The following TNFAIP8L3 variants were observed in gnomAD, a reference collection of about 807,000 sequenced individuals.
TNFAIP8L3 encodes the protein TNF alpha induced protein 8 like 3.
Under a neutral mutation model 11.8 loss-of-function variants are expected in TNFAIP8L3, and 7 were observed. That is an observed-to-expected ratio of 0.59 (90% CI 0.34 to 1.11). The LOEUF (loss-of-function observed/expected upper bound fraction) is 1.11, where lower values mean the gene tolerates loss of function less well. Among genes scored for constraint, TNFAIP8L3 ranks in the 50% most tolerant of loss-of-function variants. TNFAIP8L3 has a pLI of 0.03. For missense variants in TNFAIP8L3, 219 were observed against 258.6 expected (o/e 0.85, Z 1.05); for synonymous variants, 98 against 103.8 (o/e 0.94, Z 0.34).
chr15:51,068,661 T>G (rs985287012), intron 1 of TNFAIP8L3, among the ~76,000 whole-genome samples: 7 of 19,818 alleles, frequency 3.5e-4, no homozygotes, highest in African/African-American at 1.2e-3. Flanking sequence ...ACCCCTCCTG[T>G]TTTTTTTTTT....
At chr15:51,072,474 A>G (rs571728292) in intron 1 of TNFAIP8L3, among the ~76,000 whole-genome samples, 5 of 152,278 alleles carry the variant, frequency 3.3e-5, no homozygotes, top group Middle Eastern at 3.4e-3. Context: ...TAATTTATCA[A>G]TCTTTTCCTT....
intron 1 of TNFAIP8L3, among the ~76,000 whole-genome samples, chr15:51,063,712 G>T (rs1225940776): frequency 1.3e-5 from 2 of 152,156 alleles, no homozygotes; most frequent in Non-Finnish European, 2.9e-5. Flanking sequence ...GTATTCAATT[G>T]GGTCTTGCTC....
intron 1 of TNFAIP8L3, among the ~76,000 whole-genome samples, chr15:51,073,302 G>C (rs537021119): frequency 6.6e-6 from 1 of 152,138 alleles, no homozygotes; most frequent in African/African-American, 2.4e-5. Flanking sequence ...AGCCTAAACT[G>C]GTATCTTTAT....
intron 1 of TNFAIP8L3, among the ~76,000 whole-genome samples, chr15:51,086,667 T>A (rs2065429606): frequency 6.6e-6 from 1 of 152,216 alleles, no homozygotes; most frequent in Admixed American, 6.5e-5. Flanking sequence ...TTCTGTTCTA[T>A]AAATTGGGGC....
chr15:51,084,243 G>C (rs1349918878), intron 1 of TNFAIP8L3, among the ~76,000 whole-genome samples: 1 of 152,080 alleles, frequency 6.6e-6, no homozygotes, highest in Non-Finnish European at 1.5e-5. Context: ...GAAAAACAGG[G>C]ATCACAGATT....
chr15:51,076,716 T>G (rs2065352835), intron 1 of TNFAIP8L3, among the ~76,000 whole-genome samples: 2 of 152,074 alleles, frequency 1.3e-5, no homozygotes, highest in African/African-American at 2.4e-5. Flanking sequence ...CAGCAGGAAG[T>G]GGAAGACAGA....
At chr15:51,088,895 G>A (rs1184606406) in intron 1 of TNFAIP8L3, among the ~76,000 whole-genome samples, 1 of 152,174 alleles carries the variant, frequency 6.6e-6, no homozygotes, top group African/African-American at 2.4e-5. Context: ...CCTCACTCAA[G>A]GTTATTCCTA....
At chr15:51,062,082 T>C (rs12909470) in intron 1 of TNFAIP8L3, among the ~76,000 whole-genome samples, 30,893 of 151,974 alleles carry the variant, frequency 0.2, 3,622 homozygotes, top group East Asian at 0.44. Flanking sequence ...GAGACCATCC[T>C]GGGCAACATG....
intron 1 of TNFAIP8L3, among the ~76,000 whole-genome samples, chr15:51,075,817 A>G (rs2065345431): frequency 6.6e-6 from 1 of 152,230 alleles, no homozygotes. Flanking sequence ...GTGACAGTGG[A>G]CTGAGGCTAC....
In TNFAIP8L3 at chr15:51,058,228, T is replaced by A; in HGVS notation, c.268A>T (p.Ile90Phe). The change falls in exon 2 of 2, where the codon ATC (isoleucine) becomes TTC (phenylalanine). Residue 90 changes from isoleucine (I) to phenylalanine (F), a missense_variant. Ile to Phe is a conservative substitution (Grantham distance 21). Coordinates refer to ENST00000637513, the MANE Select transcript of TNFAIP8L3 (RefSeq NM_001311175.2). ...CTAAACTGGTTGTTCCGGTAGAGGA[T>A]CCCGATTTTGATCGCCACCTTGATT... is the stretch of plus-strand genomic sequence containing the variant. ...DLIKVAIKIG[I>F]LYRNNQFSQE... The A allele has an allele frequency of 6.2e-7, 1 of 1,614,222 alleles. No homozygotes were observed. Among genetic ancestry groups the A allele is most frequent in the Non-Finnish European group, 8.5e-7 (1 of 1,180,038 alleles).
upstream of TNFAIP8L3, among the ~76,000 whole-genome samples, chr15:51,099,564 T>G (rs1040579272): frequency 2.0e-5 from 3 of 152,194 alleles, no homozygotes; most frequent in Non-Finnish European, 4.4e-5. Flanking sequence ...CACCAGGATC[T>G]TAGGTTCACT....
intron 1 of TNFAIP8L3, among the ~76,000 whole-genome samples, chr15:51,066,605 C>T (rs927676809): frequency 1.3e-5 from 2 of 152,100 alleles, no homozygotes; most frequent in Non-Finnish European, 2.9e-5. Flanking sequence ...GTGATGGCCT[C>T]CCCACCCCTT....
chr15:51,104,286 T>C (rs1389352469), intron 1 of TNFAIP8L3, among the ~76,000 whole-genome samples: 1 of 152,106 alleles, frequency 6.6e-6, no homozygotes. Context: ...GCAACAGGAC[T>C]CTCTTGGCTG....
rs568009993 is a variant in TNFAIP8L3 at position 51,063,698 on chromosome 15, A to G, written c.53-5255T>C. ...GCAAGTGCTATGAGGATATCCCGAG[A>G]AAAGTATTCAATTGGGTCTTGCTCT... On this transcript the variant is annotated intron_variant, in intron 1 of 1. Transcript: ENST00000637513. Among the ~76,000 whole-genome samples the G allele has an allele frequency of 3.3e-5, 5 of 152,338 alleles. No individual in the cohort carries two copies. The South Asian group carries it at 6.2e-4, about 19-fold the overall frequency.
At chr15:51,096,929 T>C (rs151275099), upstream of TNFAIP8L3, among the ~76,000 whole-genome samples, 686 of 143,428 alleles carry the variant, frequency 4.8e-3, 5 homozygotes, top group African/African-American at 0.016. Context: ...AAGAAAAAAG[T>C]AATGGCAAAA....
At chr15:51,100,167 G>A (rs2065540557) in intron 1 of TNFAIP8L3, among the ~76,000 whole-genome samples, 1 of 152,204 alleles carries the variant, frequency 6.6e-6, no homozygotes, top group Non-Finnish European at 1.5e-5. Flanking sequence ...TATCCTCTGT[G>A]TTTCAGGTGC....
At chr15:51,073,632 A>G (rs967504459) in intron 1 of TNFAIP8L3, among the ~76,000 whole-genome samples, 4 of 152,224 alleles carry the variant, frequency 2.6e-5, no homozygotes, top group African/African-American at 9.6e-5. Flanking sequence ...AACATTGCCT[A>G]CACAAAATGA....
Position 51,057,452 on chromosome 15 carries a change from C to T in TNFAIP8L3, c.*429G>A, listed in dbSNP as rs59067851. 2,513 of 161,028 alleles carry T rather than the reference C, an allele frequency of 0.016. 91 individuals carry two copies. Among genetic ancestry groups the T allele is most frequent in the African/African-American group, 0.057 (2,382 of 41,726 alleles). 10.0% of individuals were successfully genotyped at this position (161,028 alleles called of 1,614,324 possible). On this transcript the variant is annotated 3_prime_UTR_variant, in exon 2 of 2. Transcript: ENST00000637513. ...CCAAAAGTATGAACATACATCATCT[C>T]ATCTGGTCCTCACAACAGCCCTGTG...
chr15:51,073,759 A>T (rs2140970664), intron 1 of TNFAIP8L3, among the ~76,000 whole-genome samples: 1 of 152,282 alleles, frequency 6.6e-6, no homozygotes, highest in South Asian at 2.1e-4. Context: ...CTTTAACAGG[A>T]TTGTCTCTAA....
Sources: gnomAD v4.1 joint callset for allele counts (sites outside exome capture counted in the v4.1 genomes callset) on GRCh38, gnomAD v4.1.1 for gene constraint, MANE v1.5 for transcripts, NCBI Gene and HGNC (gene_info 2026-07-23, HGNC 2026-07-21) for gene names.